The following DCDC1 variants were observed in gnomAD, a reference collection of about 807,000 sequenced individuals.
The protein encoded by DCDC1 is doublecortin domain containing 1, also known as doublecortin domain-containing protein 1.
Under a neutral mutation model 178.3 loss-of-function variants are expected in DCDC1, and 200 were observed. The observed-to-expected ratio is 1.12, with a 90% CI of 1.00 to 1.26. The LOEUF is 1.26. Ranked by LOEUF, DCDC1 falls within the 50% of genes most tolerant of loss-of-function variation. The pLI is 0.00. For missense variants in DCDC1, 1,983 were observed against 1,749.2 expected (o/e 1.13, Z -2.38); for synonymous variants, 690 against 604.8 (o/e 1.14, Z -2.07).
Position 30,952,559 on chromosome 11 carries a change from T to G in DCDC1, c.2601A>C (p.Ile867=), listed in dbSNP as rs1203704444. The G allele has an allele frequency of 1.4e-6, 2 of 1,381,836 alleles. No individual in the cohort carries two copies. The highest frequency in any genetic ancestry group is 3.6e-5 in the Admixed American group (2 of 56,010). The allele number at this position is 1,381,836 out of a possible 1,614,324, so 85.6% of individuals were successfully genotyped here. A position where few individuals can be genotyped will look rare whatever the true frequency, so the allele number is the denominator to read the frequency against. ...CTGGCTTACTGGTTCCTTCATGTTT[T>G]ATGGCCCACCTAAAACAAAAGATAA... ...HPKASAQRWA[I]KHEGTSKPGQ... Residue 867 remains isoleucine (I), a synonymous_variant, in exon 21 of 39, where the codon ATA becomes ATC. Transcript: ENST00000684477.
intron 38 of DCDC1, among the ~76,000 whole-genome samples, chr11:30,875,470 G>A (rs909397880): frequency 2.4e-4 from 37 of 151,844 alleles, no homozygotes; most frequent in African/African-American, 7.0e-4. Context: ...CTAGAATAAC[G>A]CAGATTTGTG....
At chr11:31,017,646 CA>C (rs1163758908) in intron 20 of DCDC1, among the ~76,000 whole-genome samples, 1 of 151,438 alleles carries the variant, frequency 6.6e-6, no homozygotes, top group Non-Finnish European at 1.5e-5. Context: ...GTGGCAGAAT[CA>C]CAGCTCACTG....
intron 7 of DCDC1, among the ~76,000 whole-genome samples, chr11:31,271,570 C>T (rs1372232108): frequency 6.6e-6 from 1 of 152,180 alleles, no homozygotes; most frequent in East Asian, 1.9e-4. Flanking sequence ...TTTTTACCAT[C>T]ACTTTACTGA....
At chr11:30,870,420 G>A (rs760315837) in intron 38 of DCDC1, among the ~76,000 whole-genome samples, 18 of 152,180 alleles carry the variant, frequency 1.2e-4, no homozygotes, top group Middle Eastern at 3.2e-3. Flanking sequence ...CCAGTGAACA[G>A]AACTCATATT....
At chr11:31,356,596 C>A (rs1951380919) in intron 1 of DCDC1, among the ~76,000 whole-genome samples, 2 of 150,282 alleles carry the variant, frequency 1.3e-5, no homozygotes, top group African/African-American at 4.9e-5. Flanking sequence ...CAGAGCAGAA[C>A]TGAAGGAAAT....
At chr11:31,023,398 G>A (rs376650871) in intron 20 of DCDC1, among the ~76,000 whole-genome samples, 60 of 152,102 alleles carry the variant, frequency 3.9e-4, no homozygotes, top group African/African-American at 1.3e-3. Flanking sequence ...ATTGGCTGCC[G>A]TCTCAATTCC....
intron 21 of DCDC1, among the ~76,000 whole-genome samples, chr11:30,933,334 G>A (rs1254722574): frequency 6.6e-6 from 1 of 151,742 alleles, no homozygotes; most frequent in Non-Finnish European, 1.5e-5. Flanking sequence ...TCTATATTAG[G>A]TTAAGAAATT....
intron 20 of DCDC1, among the ~76,000 whole-genome samples, chr11:30,987,638 T>C (rs901944382): frequency 2.0e-5 from 3 of 152,142 alleles, no homozygotes; most frequent in Admixed American, 1.3e-4. Flanking sequence ...AAATGAGCCA[T>C]ATGAAGCTCA....
At chr11:31,337,769 T>A (rs1950345988) in intron 1 of DCDC1, among the ~76,000 whole-genome samples, 1 of 152,178 alleles carries the variant, frequency 6.6e-6, no homozygotes, top group Non-Finnish European at 1.5e-5. Context: ...AAAGGAATCA[T>A]CTTTATGTTG....
Position 31,003,303 on chromosome 11 carries a change from C to G in DCDC1, c.2592-50735G>C, listed in dbSNP as rs1039559582. ...GCAGACAGTGATGGAGCTATTTCCACCGAGGGAGTGGGGGAAGCATTTTAA... is the reference window on the plus strand; with the variant it reads ...GCAGACAGTGATGGAGCTATTTCCAGCGAGGGAGTGGGGGAAGCATTTTAA... On this transcript the variant is annotated intron_variant, in intron 20 of 38. Transcript: ENST00000684477. Among the ~76,000 whole-genome samples the G allele has an allele frequency of 3.9e-5, 6 of 152,056 alleles. No individual in the cohort carries two copies. The East Asian group carries it at 1.2e-3, about 29-fold the overall frequency.
In DCDC1 at chr11:31,241,609, C is replaced by G. The variant is rs1977142444; in HGVS notation, c.1062G>C (p.Leu354=). 2 of 396,990 alleles carry G rather than the reference C, an allele frequency of 5.0e-6. No homozygotes were observed. The highest frequency in any genetic ancestry group is 8.9e-6 in the Non-Finnish European group (2 of 224,722). The allele number at this position is 396,990 out of a possible 1,614,324, so 24.6% of individuals were successfully genotyped here. A position where few individuals can be genotyped will look rare whatever the true frequency, so the allele number is the denominator to read the frequency against. The change falls in exon 9 of 39, where the codon CTG becomes CTC. Residue 354 remains leucine (L), a synonymous_variant. Coordinates refer to ENST00000684477, the MANE Select transcript of DCDC1 (RefSeq NM_001387274.1). ...RKIEDISKVP[L]LEKCLQNSIT... is the part of the protein sequence containing the mutation. ...TGGAATTTTGCAGGCATTTTTCAAG[C>G]AGAGGAACTATGCAAGAAAAGAAGG...
At chr11:31,189,212 A>G (rs2136336526) in intron 9 of DCDC1, among the ~76,000 whole-genome samples, 1 of 152,312 alleles carries the variant, frequency 6.6e-6, no homozygotes, top group South Asian at 2.1e-4. Context: ...ATAGTTAATT[A>G]TCCAAGGCCA....
At chr11:30,891,746 G>C (rs1462822230) in intron 36 of DCDC1, among the ~76,000 whole-genome samples, 1 of 151,846 alleles carries the variant, frequency 6.6e-6, no homozygotes, top group Admixed American at 6.6e-5. Context: ...CCTAATTTGG[G>C]GTATACATTT....
At chr11:31,018,512 G>A (rs919139706) in intron 20 of DCDC1, among the ~76,000 whole-genome samples, 2 of 152,124 alleles carry the variant, frequency 1.3e-5, no homozygotes, top group Non-Finnish European at 2.9e-5. Context: ...ACAACCCTGT[G>A]TGTTATTCAT....
chr11:30,907,630 A>T (rs1218192051), intron 29 of DCDC1, among the ~76,000 whole-genome samples: 2 of 152,096 alleles, frequency 1.3e-5, no homozygotes, highest in Non-Finnish European at 2.9e-5. Flanking sequence ...TAGTTGAAGA[A>T]CCAATGTTCC....
intron 20 of DCDC1, among the ~76,000 whole-genome samples, chr11:31,008,401 T>C (rs1951979195): frequency 6.6e-6 from 1 of 151,530 alleles, no homozygotes; most frequent in African/African-American, 2.4e-5. Context: ...GTAGTGAGAG[T>C]CTCTTAAAAA....
In DCDC1 at chr11:30,892,840, G is replaced by C. The variant is rs1368389827; in HGVS notation, c.5060C>G (p.Ala1687Gly). ...NGGRPEDGTY[A>G]WGKTISELLQ... is the part of the protein sequence containing the mutation. ...TACCTCTGAAATAGTTTTGCCCCAG[G>C]CATAAGTGCCATCTTCAGGTCTGCC... The change falls in exon 36 of 39, where the codon GCC (alanine) becomes GGC (glycine). Residue 1687 changes from alanine (A) to glycine (G), a missense_variant. Physicochemically the swap from Ala to Gly is moderately conservative, Grantham distance 60. Coordinates refer to ENST00000684477, the MANE Select transcript of DCDC1 (RefSeq NM_001387274.1). The C allele has an allele frequency of 1.9e-6, 3 of 1,613,798 alleles. No individual in the cohort carries two copies. The South Asian group carries it at 3.3e-5, about 18-fold the overall frequency.
At position 30,952,565 on chromosome 11, in the gene DCDC1, C is replaced by A; in HGVS notation, c.2595G>T (p.Trp865Cys). The A allele has an allele frequency of 1.6e-6, 2 of 1,281,914 alleles. No homozygotes were observed. The highest frequency in any genetic ancestry group is 1.1e-6 in the Non-Finnish European group (1 of 915,992). The allele number at this position is 1,281,914 out of a possible 1,614,324, so 79.4% of individuals were successfully genotyped here. The change falls in exon 21 of 39, where the codon TGG becomes TGT. Residue 865 changes from tryptophan to cysteine, a missense_variant. Trp to Cys is a radical substitution (Grantham distance 215, BLOSUM62 -2). Coordinates refer to ENST00000684477, the MANE Select transcript of DCDC1 (RefSeq NM_001387274.1). Reference protein sequence around the residue: ...EKHPKASAQRWAIKHEGTSKP... With the variant: ...EKHPKASAQRCAIKHEGTSKP... ...TACTGGTTCCTTCATGTTTTATGGC[C>A]CACCTAAAACAAAAGATAAAAAACA...
chr11:31,239,056 G>A (rs1406931943), intron 9 of DCDC1, among the ~76,000 whole-genome samples: 4 of 151,884 alleles, frequency 2.6e-5, no homozygotes, highest in African/African-American at 9.6e-5. Flanking sequence ...CTTATATTTC[G>A]ACAGACATCA....
Sources: gnomAD v4.1 joint callset for allele counts (sites outside exome capture counted in the v4.1 genomes callset) on GRCh38, gnomAD v4.1.1 for gene constraint, MANE v1.5 for transcripts, NCBI Gene and HGNC (gene_info 2026-07-23, HGNC 2026-07-21) for gene names.